Variants in PAPPA observed in about 807,000 individuals in gnomAD.
The protein encoded by PAPPA is pappalysin 1, also known as pappalysin-1.
PAPPA carries 60 observed loss-of-function variants against 164.0 expected under a neutral mutation model. The observed-to-expected ratio is 0.37, with a 90% confidence interval of 0.30 to 0.45. PAPPA has a LOEUF of 0.45. PAPPA is among the 20% of genes least tolerant of loss of function. PAPPA has a pLI of 1.00. For missense variants in PAPPA, 1,782 were observed against 2,087.3 expected (o/e 0.85, Z 2.85); for synonymous variants, 875 against 814.1 (o/e 1.07, Z -1.27).
chr9:116,283,738 T>C (rs1215884917), intron 9 of PAPPA, among the ~76,000 whole-genome samples: 2 of 152,184 alleles, frequency 1.3e-5, no homozygotes, highest in Admixed American at 6.5e-5. Context: ...TGGCTGGAGT[T>C]GGTTCCTCAG....
chr9:116,353,144 C>G (rs1846306198), intron 16 of PAPPA, among the ~76,000 whole-genome samples: 1 of 152,126 alleles, frequency 6.6e-6, no homozygotes, highest in Non-Finnish European at 1.5e-5. Context: ...TGATCTCAGA[C>G]AAATGACTTT....
chr9:116,321,378 G>T (rs1460677854), intron 10 of PAPPA, among the ~76,000 whole-genome samples: 1 of 152,148 alleles, frequency 6.6e-6, no homozygotes, highest in African/African-American at 2.4e-5. Flanking sequence ...TAATACTGAA[G>T]ATAGAAAAGA....
intron 9 of PAPPA, 101 bp from the exon 10 acceptor site, chr9:116,302,656 C>T (rs1318962369): frequency 2.3e-6 from 2 of 869,460 alleles, no homozygotes; most frequent in Non-Finnish European, 3.7e-6. Context: ...CTTGACAGTA[C>T]CAATGGTTTT....
intron 1 of PAPPA, among the ~76,000 whole-genome samples, chr9:116,165,551 C>T (rs947714799): frequency 1.3e-5 from 2 of 152,130 alleles, no homozygotes; most frequent in Non-Finnish European, 2.9e-5. Context: ...TATTATAATG[C>T]CCACTTCTCT....
intron 2 of PAPPA, among the ~76,000 whole-genome samples, chr9:116,200,393 G>T (rs1013365702): frequency 2.6e-5 from 4 of 152,146 alleles, no homozygotes; most frequent in Non-Finnish European, 5.9e-5. Context: ...AATGGCTAAG[G>T]ATATGGTCGG....
chr9:116,398,015 GTCA>G lies in PAPPA; in HGVS notation c.*1404_*1406del, dbSNP rs1206119797. The stretch of plus-strand genomic sequence containing the variant: ...GCCTCAGCACCAACAACTCAACATG[GTCA>G]TCATGTTTTCTATATGGTTTTTCCA... On this transcript the variant is annotated 3_prime_UTR_variant, in exon 22 of 22. Coordinates refer to ENST00000328252, the MANE Select transcript of PAPPA (RefSeq NM_002581.5). The G allele has an allele frequency of 6.5e-6, 1 of 152,942 alleles. No individual in the cohort carries two copies. The highest frequency in any genetic ancestry group is 2.4e-5 in the African/African-American group (1 of 41,424). 9.5% of individuals were successfully genotyped at this position (152,942 alleles called of 1,614,324 possible). A position where few individuals can be genotyped will look rare whatever the true frequency, so the allele number is the denominator to read the frequency against.
chr9:116,219,568 G>A (rs1317349285), intron 4 of PAPPA, among the ~76,000 whole-genome samples: 1 of 152,122 alleles, frequency 6.6e-6, no homozygotes, highest in African/African-American at 2.4e-5. Flanking sequence ...GTGAGGGAGG[G>A]AGGGAGTAAT....
At chr9:116,207,075 G>A (rs1844245053) in intron 2 of PAPPA, among the ~76,000 whole-genome samples, 1 of 152,120 alleles carries the variant, frequency 6.6e-6, no homozygotes, top group East Asian at 1.9e-4. Flanking sequence ...CATCACTAAT[G>A]TGTGCTACTG....
In PAPPA at chr9:116,220,135, T is replaced by C; in HGVS notation, c.2111+6T>C. The stretch of plus-strand genomic sequence containing the variant: ...GATGGCCATTTCTTTGAAAGGTGAG[T>C]GTGCCCTGTGTAGTGTTGATCCCTC... On this transcript the variant is annotated splice_donor_region_variant and intron_variant, in intron 5 of 21. Transcript: ENST00000328252. 6.2e-7 allele frequency: 1 copy of C among 1,607,964 alleles called. No individual in the cohort carries two copies. The highest frequency in any genetic ancestry group is 8.5e-7 in the Non-Finnish European group (1 of 1,176,404).
In PAPPA at chr9:116,347,102, G is replaced by T; in HGVS notation, c.3857G>T (p.Ser1286Ile). The T allele has an allele frequency of 1.2e-6, 2 of 1,614,192 alleles. No homozygotes were observed. Among genetic ancestry groups the T allele is most frequent in the Non-Finnish European group, 1.7e-6 (2 of 1,180,006 alleles). ...GTGGCCTGTGAGCCAGTCGACTGCA[G>T]CATCCCAGATCACCATCAAGTCTAT... ...KQVACEPVDC[S>I]IPDHHQVYAA... The change falls in exon 15 of 22, where the codon AGC becomes ATC. Residue 1286 changes from serine to isoleucine, a missense_variant. Coordinates refer to ENST00000328252, the MANE Select transcript of PAPPA (RefSeq NM_002581.5). This position sits in a 1 kb window ranked among gnomAD's most constrained non-coding sequence, Gnocchi z 4.5.
At chr9:116,335,495 G>A (rs1030541960) in intron 13 of PAPPA, among the ~76,000 whole-genome samples, 10 of 152,230 alleles carry the variant, frequency 6.6e-5, no homozygotes, top group Admixed American at 3.9e-4. Context: ...GATAGAGTGA[G>A]ACTGGTATTT....
At chr9:116,298,217 C>T (rs1462191741) in intron 9 of PAPPA, among the ~76,000 whole-genome samples, 1 of 152,222 alleles carries the variant, frequency 6.6e-6, no homozygotes, top group Non-Finnish European at 1.5e-5. Flanking sequence ...CACCTTGATG[C>T]TCCAGATAAA....
chr9:116,387,464 A>C (rs1846830655), intron 21 of PAPPA, among the ~76,000 whole-genome samples: 1 of 152,048 alleles, frequency 6.6e-6, no homozygotes, highest in South Asian at 2.1e-4. Flanking sequence ...TCAACCTCCT[A>C]ATAAGCTCAA....
At chr9:116,208,230 G>T (rs905501518) in intron 3 of PAPPA, among the ~76,000 whole-genome samples, 7 of 152,194 alleles carry the variant, frequency 4.6e-5, no homozygotes, top group Non-Finnish European at 1.0e-4. Context: ...AGCAAACATT[G>T]CAGTTCTTTA....
rs1846186095 is a variant in PAPPA, at chr9:116,344,767, G to A, written c.3780+56G>A. The A allele has an allele frequency of 5.9e-6, 9 of 1,517,030 alleles. No homozygotes were observed. In the Admixed American group the frequency reaches 1.4e-4, roughly 24 times the overall value. The allele number at this position is 1,517,030 out of a possible 1,614,324, so 94.0% of individuals were successfully genotyped here. A position where few individuals can be genotyped will look rare whatever the true frequency, so the allele number is the denominator to read the frequency against. On this transcript the variant is annotated intron_variant, in intron 14 of 21. Coordinates refer to ENST00000328252, the MANE Select transcript of PAPPA (RefSeq NM_002581.5). Reference sequence around the variant, plus strand: ...CTGCAGCCCAGGGAAGGCTTACTGGGTGTTAACCATGTTCTCTGCTAAATA... The same window carrying A: ...CTGCAGCCCAGGGAAGGCTTACTGGATGTTAACCATGTTCTCTGCTAAATA...
chr9:116,377,577 G>C lies in PAPPA; in HGVS notation c.4607G>C (p.Arg1536Thr), dbSNP rs140578244. 3.1e-6 allele frequency: 5 copies of C among 1,612,594 alleles called. No homozygotes were observed. The change falls in exon 20 of 22, where the codon AGA becomes ACA. Residue 1536 changes from arginine to threonine, a missense_variant and splice_region_variant. Coordinates refer to ENST00000328252, the MANE Select transcript of PAPPA (RefSeq NM_002581.5). ...PHWLNPTRVE[R>T]VVCTAGLKWY... ...ACCTTTCTCTCCCTCTTCCCACAGA[G>C]AGTTGTCTGCACTGCTGGTCTCAAG...
At chr9:116,374,172 GAT>G (rs1464806042) in intron 19 of PAPPA, among the ~76,000 whole-genome samples, 58 of 134,034 alleles carry the variant, frequency 4.3e-4, no homozygotes, top group South Asian at 2.5e-3. Context: ...TGGTGGTGTT[GAT>G]GATGATGATG....
At chr9:116,166,210 G>A (rs1448420318) in intron 1 of PAPPA, among the ~76,000 whole-genome samples, 1 of 152,118 alleles carries the variant, frequency 6.6e-6, no homozygotes, top group African/African-American at 2.4e-5. Flanking sequence ...AAAGAAATCT[G>A]GCCTTCCAAA....
At chr9:116,207,929 C>A (rs1251031136) in intron 3 of PAPPA, among the ~76,000 whole-genome samples, 1 of 152,166 alleles carries the variant, frequency 6.6e-6, no homozygotes, top group Non-Finnish European at 1.5e-5. Flanking sequence ...CAACACTGCC[C>A]ATTGTTTGCT....
Sources: gnomAD v4.1 joint callset for allele counts (sites outside exome capture counted in the v4.1 genomes callset) on GRCh38, gnomAD v4.1.1 for gene constraint, Gnocchi (gnomAD v3.1) non-coding constraint, MANE v1.5 for transcripts, NCBI Gene and HGNC (gene_info 2026-07-23, HGNC 2026-07-21) for gene names.